Variants in TENM4 observed in about 807,000 individuals in gnomAD.
The protein encoded by TENM4 is teneurin-4.
Under a neutral mutation model 243.3 loss-of-function variants are expected in TENM4, and 82 were observed. That is an observed-to-expected ratio of 0.34 (90% CI 0.28 to 0.40). TENM4 has a LOEUF of 0.40. Ranked by LOEUF, TENM4 falls within the 10% of genes least tolerant of loss-of-function variation. The pLI, the probability that TENM4 is intolerant of heterozygous loss-of-function variation, is 1.00. For missense variants in TENM4, 3,138 were observed against 3,673.3 expected (o/e 0.85, Z 3.77); for synonymous variants, 1,412 against 1,456.3 (o/e 0.97, Z 0.69).
At chr11:78,877,699 T>C (rs902184847) in intron 9 of TENM4, among the ~76,000 whole-genome samples, 1 of 152,180 alleles carries the variant, frequency 6.6e-6, no homozygotes, top group African/African-American at 2.4e-5. Context: ...CTGCAGCTGC[T>C]GCTGTTATTA....
intron 3 of TENM4, among the ~76,000 whole-genome samples, chr11:79,208,002 C>T (rs1227512507): frequency 6.6e-6 from 1 of 152,058 alleles, no homozygotes; most frequent in Non-Finnish European, 1.5e-5. Flanking sequence ...AAGCCCACCT[C>T]TGACAGGAAT....
intron 6 of TENM4, among the ~76,000 whole-genome samples, chr11:78,969,310 T>C (rs1043808183): frequency 3.9e-5 from 6 of 152,196 alleles, no homozygotes; most frequent in Non-Finnish European, 7.4e-5. Flanking sequence ...AAAGAGAACA[T>C]AGGACAAGGG....
At chr11:79,406,990 G>A (rs1045422533) in intron 1 of TENM4, among the ~76,000 whole-genome samples, 1 of 152,034 alleles carries the variant, frequency 6.6e-6, no homozygotes, top group African/African-American at 2.4e-5. Context: ...CTCTGTGCTG[G>A]GCCCATCAAC....
At chr11:78,800,534 C>T (rs901167822) in intron 15 of TENM4, among the ~76,000 whole-genome samples, 5 of 152,064 alleles carry the variant, frequency 3.3e-5, no homozygotes, top group Admixed American at 6.6e-5. Flanking sequence ...GGATTAGGTT[C>T]GCTGTCGGGT....
chr11:78,667,002 A>G (rs935296865), intron 32 of TENM4, among the ~76,000 whole-genome samples: 2 of 152,140 alleles, frequency 1.3e-5, no homozygotes, highest in African/African-American at 4.8e-5. Context: ...TTTCAGCTAC[A>G]GTAACCTGCC....
intron 4 of TENM4, among the ~76,000 whole-genome samples, chr11:79,107,344 C>T (rs991490892): frequency 6.6e-6 from 1 of 152,082 alleles, no homozygotes; most frequent in South Asian, 2.1e-4. Context: ...CAGACGATCC[C>T]CTCTGTGAGT....
chr11:79,323,863 C>T (rs532351141), intron 1 of TENM4, among the ~76,000 whole-genome samples: 2 of 149,622 alleles, frequency 1.3e-5, no homozygotes, highest in Admixed American at 1.3e-4. Flanking sequence ...ATCAATCAAT[C>T]TATTTTTCTC....
intron 1 of TENM4, among the ~76,000 whole-genome samples, chr11:79,343,195 T>C (rs898540871): frequency 6.6e-6 from 1 of 152,254 alleles, no homozygotes; most frequent in Non-Finnish European, 1.5e-5. Context: ...GAGCATTTAC[T>C]GACCACTAAG....
intron 6 of TENM4, among the ~76,000 whole-genome samples, chr11:79,058,468 C>G (rs1295520032): frequency 2.0e-5 from 3 of 151,842 alleles, no homozygotes; most frequent in Admixed American, 6.6e-5. Context: ...TGGCATGAAC[C>G]CTGGAGGCGG....
chr11:79,241,710 ATGTGAGCGTGTGTGTG>A (rs1307699494), intron 2 of TENM4, among the ~76,000 whole-genome samples: 2 of 152,256 alleles, frequency 1.3e-5, no homozygotes, highest in African/African-American at 4.8e-5. Flanking sequence ...ATGTGTTCAC[ATGTGAGCGTGTGTGTG>A]TGTGTGCATG....
chr11:79,211,417 C>T (rs575416991), intron 3 of TENM4, among the ~76,000 whole-genome samples: 13 of 152,294 alleles, frequency 8.5e-5, no homozygotes, highest in South Asian at 2.1e-4. Flanking sequence ...TCAAAGTGTG[C>T]GCCAGGGATC....
intron 9 of TENM4, among the ~76,000 whole-genome samples, chr11:78,878,894 G>A (rs1224320720): frequency 2.0e-5 from 3 of 152,238 alleles, no homozygotes; most frequent in Non-Finnish European, 4.4e-5. Context: ...ACTGGAAACA[G>A]CTGGAATACA....
intron 6 of TENM4, among the ~76,000 whole-genome samples, chr11:79,033,959 A>T (rs1329880433): frequency 6.6e-6 from 1 of 152,248 alleles, no homozygotes; most frequent in Admixed American, 6.5e-5. Context: ...CATTAATCAT[A>T]GGAGGCATTT....
intron 16 of TENM4, among the ~76,000 whole-genome samples, chr11:78,782,545 C>T (rs114328357): frequency 0.02 from 3,055 of 152,128 alleles, 104 homozygotes; most frequent in African/African-American, 0.07. Flanking sequence ...TGCGGTCAGC[C>T]GAGGTCGTGC....
chr11:79,249,058 T>C (rs558968796), intron 2 of TENM4, among the ~76,000 whole-genome samples: 4 of 152,362 alleles, frequency 2.6e-5, no homozygotes, highest in Admixed American at 1.3e-4. Flanking sequence ...AATTTTTATT[T>C]AGCATCATTG....
intron 6 of TENM4, among the ~76,000 whole-genome samples, chr11:79,040,719 T>C (rs916277628): frequency 6.6e-6 from 1 of 152,140 alleles, no homozygotes; most frequent in African/African-American, 2.4e-5. Flanking sequence ...GCAAGTCACA[T>C]GGTGTTCAGG....
intron 29 of TENM4, among the ~76,000 whole-genome samples, chr11:78,686,795 G>A (rs1366862282): frequency 6.6e-6 from 1 of 152,208 alleles, no homozygotes; most frequent in East Asian, 1.9e-4. Context: ...GGTTAAAGGT[G>A]CTTGGTGAAG....
chr11:78,748,291 A>G (rs1038196029), intron 19 of TENM4, among the ~76,000 whole-genome samples: 1 of 152,220 alleles, frequency 6.6e-6, no homozygotes, highest in African/African-American at 2.4e-5. Context: ...CCCATGAGAT[A>G]TGGATTATTA....
chr11:78,912,260 C>A (rs982164197), intron 6 of TENM4, among the ~76,000 whole-genome samples: 1 of 152,108 alleles, frequency 6.6e-6, no homozygotes, highest in Non-Finnish European at 1.5e-5. Flanking sequence ...GAGGGCTCAC[C>A]CCGACTTCCA....
Sources: gnomAD v4.1 joint callset for allele counts (sites outside exome capture counted in the v4.1 genomes callset) on GRCh38, gnomAD v4.1.1 for gene constraint, MANE v1.5 for transcripts, NCBI Gene and HGNC (gene_info 2026-07-23, HGNC 2026-07-21) for gene names.